NEXN: variants seen among roughly 807,000 people sequenced by gnomAD.
NEXN encodes the protein nexilin F-actin binding protein.
NEXN carries 65 observed loss-of-function variants against 92.6 expected under a neutral mutation model. That is an observed-to-expected ratio of 0.70 (90% CI 0.57 to 0.86). NEXN has a LOEUF of 0.86. Among genes scored for constraint, NEXN ranks in the 40% least tolerant of loss-of-function variants. The pLI, the probability that NEXN is intolerant of heterozygous loss-of-function variation, is 0.00. For missense variants in NEXN, 778 were observed against 771.1 expected, an observed-to-expected ratio of 1.01 and a Z score of -0.11; for synonymous variants, 254 against 242.5, an observed-to-expected ratio of 1.05 and a Z score of -0.44.
At chr1:77,907,120 T>C (rs1051135253) in intron 1 of NEXN, among the ~76,000 whole-genome samples, 4 of 152,210 alleles carry the variant, frequency 2.6e-5, no homozygotes, top group African/African-American at 9.6e-5. Context: ...GTTTTGTGAC[T>C]AAAGGATGTA....
At chr1:77,930,055 A>T (rs867107533) in intron 9 of NEXN, among the ~76,000 whole-genome samples, 1 of 152,234 alleles carries the variant, frequency 6.6e-6, no homozygotes, top group African/African-American at 2.4e-5. Flanking sequence ...TGTACTTCCT[A>T]TACCAGTTTT....
At chr1:77,938,115 G>T (rs1178251923) in intron 11 of NEXN, among the ~76,000 whole-genome samples, 1 of 152,040 alleles carries the variant, frequency 6.6e-6, no homozygotes, top group East Asian at 1.9e-4. Flanking sequence ...AGGAAAAGAG[G>T]TTCCATAAGC....
intron 8 of NEXN, 136 bp downstream of exon 8, chr1:77,927,028 T>C (rs1649905447): frequency 8.3e-7 from 1 of 1,209,284 alleles, no homozygotes; most frequent in Non-Finnish European, 1.2e-6. Context: ...ATTTCATATA[T>C]AAAATACATC....
At chr1:77,919,433 T>C (rs1557976075) in intron 5 of NEXN, among the ~76,000 whole-genome samples, 1 of 152,232 alleles carries the variant, frequency 6.6e-6, no homozygotes, top group Non-Finnish European at 1.5e-5. Context: ...AAGCATATGC[T>C]ATACTTGCAT....
intron 11 of NEXN, 77 bp from the exon 12 acceptor site, chr1:77,941,946 A>G (rs538583851): frequency 5.6e-6 from 8 of 1,428,428 alleles, no homozygotes; most frequent in African/African-American, 4.2e-5. Context: ...TTGTGCTTCT[A>G]AACACCTTTA....
chr1:77,926,761 G>A lies in NEXN; in HGVS notation c.733G>A (p.Gly245Arg), dbSNP rs1166698. 0.2 allele frequency: 315,352 copies of A among 1,613,344 alleles called. 33,815 individuals carry two copies. The highest frequency in any genetic ancestry group is 0.4 in the East Asian group (17,913 of 44,814). The change falls in exon 8 of 13, where the codon GGA becomes AGA. Residue 245 changes from glycine (G) to arginine (R), a missense_variant. Coordinates refer to ENST00000334785, the MANE Select transcript of NEXN (RefSeq NM_144573.4). ...AGCAAAAAAAGAATCACTTTCTCCC[G>A]GAAAATTGAAACTAACTTTTGAAGA... ...SEAKKESLSP[G>R]KLKLTFEELE...
In NEXN at chr1:77,918,017, G is replaced by A. The variant is rs1256690084; in HGVS notation, c.277G>A (p.Ala93Thr). Residue 93 changes from alanine to threonine, a missense_variant, in exon 4 of 13, where the codon GCT becomes ACT. Coordinates refer to ENST00000334785, the MANE Select transcript of NEXN (RefSeq NM_144573.4). ...AGATGTATCTTCTAAAGTAGAAAAG[G>A]CTTATGTTCCAAAATTAACAGGTAA... is the stretch of plus-strand genomic sequence containing the variant. The part of the protein sequence containing the change: ...EEDVSSKVEK[A>T]YVPKLTGTVK... 2 of 1,613,596 alleles carry A rather than the reference G, an allele frequency of 1.2e-6. No homozygotes were observed. Among genetic ancestry groups the A allele is most frequent in the South Asian group, 2.2e-5 (2 of 91,076 alleles).
intron 1 of NEXN, among the ~76,000 whole-genome samples, chr1:77,912,078 CAA>C (rs56678367): frequency 3.1e-4 from 24 of 76,404 alleles, no homozygotes; most frequent in Admixed American, 4.6e-4. Flanking sequence ...GACTCTGTCT[CAA>C]AAAAAAAAAA....
intron 9 of NEXN, 22 bp from the exon 10 acceptor site, chr1:77,933,260 A>T: frequency 2.1e-6 from 3 of 1,403,126 alleles, no homozygotes; most frequent in Non-Finnish European, 3.0e-6. Context: ...GGCCAGAGTG[A>T]TAAAATAATT....
At chr1:77,927,321 A>T (rs1465823068) in intron 8 of NEXN, among the ~76,000 whole-genome samples, 1 of 152,154 alleles carries the variant, frequency 6.6e-6, no homozygotes, top group African/African-American at 2.4e-5. Context: ...GGGGCATTTT[A>T]CCCAATATGC....
intron 11 of NEXN, 122 bp from the exon 12 acceptor site, chr1:77,941,901 T>C (rs1320673205): frequency 3.2e-6 from 3 of 950,454 alleles, no homozygotes; most frequent in Non-Finnish European, 4.9e-6. Context: ...GTCTGCAGTG[T>C]AGCAAAAATA....
At chr1:77,898,765 G>C (rs1647438262) in intron 1 of NEXN, among the ~76,000 whole-genome samples, 1 of 152,094 alleles carries the variant, frequency 6.6e-6, no homozygotes, top group Non-Finnish European at 1.5e-5. Context: ...CTACTCATCT[G>C]ACAAAGGGCT....
At chr1:77,899,005 A>C (rs1464582837) in intron 1 of NEXN, among the ~76,000 whole-genome samples, 1 of 152,258 alleles carries the variant, frequency 6.6e-6, no homozygotes, top group Non-Finnish European at 1.5e-5. Flanking sequence ...AAGTCAGGAA[A>C]TAACAGGTGC....
rs532906484 is a variant in NEXN, at chr1:77,901,794, G to A, written c.-53+13035G>A. Among the ~76,000 whole-genome samples, 5 of 152,212 alleles carry A rather than the reference G, an allele frequency of 3.3e-5. No homozygotes were observed. In the East Asian group the frequency reaches 5.8e-4, roughly 18 times the overall value. On this transcript the variant is annotated intron_variant, in intron 1 of 12. Transcript: ENST00000334785. ...GATCTTATTATTTTATTTAGAGATGGTGTCTCACTATGTTGCCCAAACCAG... is the reference window on the plus strand; with the variant it reads ...GATCTTATTATTTTATTTAGAGATGATGTCTCACTATGTTGCCCAAACCAG...
rs1305454215 is a variant in NEXN at position 77,935,899 on chromosome 1, T to A, written c.1328T>A (p.Ile443Asn). 1 of 1,613,866 alleles carries A rather than the reference T, an allele frequency of 6.2e-7. No homozygotes were observed. Among genetic ancestry groups the A allele is most frequent in the Admixed American group, 1.7e-5 (1 of 59,990 alleles). The stretch of plus-strand genomic sequence containing the variant: ...ATCAAATTAAAAAGGAGTGGCTCTA[T>A]TCAAGCTAAAAACCTAAAAAGCAAG... The part of the protein sequence containing the change: ...ELIKLKRSGS[I>N]QAKNLKSKFE... The change falls in exon 11 of 13, where the codon ATT becomes AAT. Residue 443 changes from isoleucine (I) to asparagine (N), a missense_variant. Physicochemically the swap from Ile to Asn is moderately radical, Grantham distance 149. Around this residue, in one of 3 missense-constraint regions of NEXN, gnomAD observed 532 missense variants for 476.7 expected, o/e 1.12. Transcript: ENST00000334785.
In NEXN at chr1:77,926,739, A is replaced by C. The variant is rs754009978; in HGVS notation, c.711A>C (p.Ala237=). Residue 237 remains alanine (A), a synonymous_variant, in exon 8 of 13, where the codon GCA becomes GCC. Coordinates refer to ENST00000334785, the MANE Select transcript of NEXN (RefSeq NM_144573.4). Reference sequence around the variant, plus strand: ...AGGATGATGAAATAGAAAGTGAAGCAAAAAAAGAATCACTTTCTCCCGGAA... The same window carrying C: ...AGGATGATGAAATAGAAAGTGAAGCCAAAAAAGAATCACTTTCTCCCGGAA... ...LVMDDEIESE[A]KKESLSPGKL... is the part of the protein sequence containing the mutation. The C allele has an allele frequency of 1.9e-6, 3 of 1,613,762 alleles. No homozygotes were observed. Among genetic ancestry groups the C allele is most frequent in the Non-Finnish European group, 1.7e-6 (2 of 1,179,892 alleles).
chr1:77,904,022 T>A (rs1647918539), intron 1 of NEXN, among the ~76,000 whole-genome samples: 1 of 152,310 alleles, frequency 6.6e-6, no homozygotes, highest in Middle Eastern at 3.4e-3. Flanking sequence ...TGACAGAGTC[T>A]TACTCTGTCA....
At chr1:77,942,353 C>G in intron 12 of NEXN, 108 bp from the exon 13 acceptor site, 5 of 1,369,728 alleles carry the variant, frequency 3.7e-6, no homozygotes, top group Non-Finnish European at 5.2e-6. Flanking sequence ...AGTAGGCACA[C>G]TTGTATGTTC....
chr1:77,938,589 C>CA lies in NEXN; in HGVS notation c.1473+2563dup, dbSNP rs11286873. On this transcript the variant is annotated intron_variant, in intron 11 of 12. Coordinates refer to ENST00000334785, the MANE Select transcript of NEXN (RefSeq NM_144573.4). ...GCCTGGCGACAGAGCAAGACTGTCT[C>CA]AAAAAAAAAAAAAAAAAAGTTCAGT... is the stretch of plus-strand genomic sequence containing the variant. Among the ~76,000 whole-genome samples, 373 of 119,104 alleles carry CA rather than the reference C, an allele frequency of 3.1e-3. 4 individuals are homozygous for CA. The highest frequency in any genetic ancestry group is 3.6e-3 in the South Asian group (13 of 3,634). 78.1% of individuals were successfully genotyped at this position (119,104 alleles called of 152,430 possible).
Sources: allele counts gnomAD v4.1 joint callset (sites outside exome capture counted in the v4.1 genomes callset), GRCh38; gene constraint gnomAD v4.1.1; regional missense constraint gnomAD v4.1.1; transcripts MANE v1.5; gene names NCBI Gene and HGNC (gene_info 2026-07-23, HGNC 2026-07-21).